DGKH: variants seen among roughly 807,000 people sequenced by gnomAD.
DGKH encodes diacylglycerol kinase eta.
A neutral mutation model predicts 159.3 loss-of-function variants in DGKH; 90 were observed. That is an observed-to-expected ratio of 0.57 (90% CI 0.48 to 0.67). DGKH has a LOEUF of 0.67. DGKH is among the 30% of genes least tolerant of loss of function. DGKH has a pLI of 0.00. For missense variants in DGKH, 1,181 were observed against 1,506.1 expected, an observed-to-expected ratio of 0.78 and a Z score of 3.57; for synonymous variants, 536 against 553.8, an observed-to-expected ratio of 0.97 and a Z score of 0.45.
intron 3 of DGKH, among the ~76,000 whole-genome samples, chr13:42,147,683 C>T (rs1229377792): frequency 1.3e-5 from 2 of 152,162 alleles, no homozygotes; most frequent in Non-Finnish European, 2.9e-5. Context: ...TGCTAATTTA[C>T]AGTGGGAGTG....
chr13:42,173,964 CGT>C (rs1555270275), intron 11 of DGKH, 94 bp from the exon 12 acceptor site: 9,912 of 558,624 alleles, frequency 0.018, no homozygotes, highest in Non-Finnish European at 0.021. Context: ...TGTGTGCGTG[CGT>C]GTGTGTGTGT....
chr13:42,082,935 T>TAATA (rs1369562885), intron 1 of DGKH, among the ~76,000 whole-genome samples: 1 of 152,202 alleles, frequency 6.6e-6, no homozygotes, highest in Non-Finnish European at 1.5e-5. Context: ...AGAATGTGAA[T>TAATA]AATAGTTCTA....
intron 20 of DGKH, among the ~76,000 whole-genome samples, chr13:42,202,989 A>G (rs1957383762): frequency 6.6e-6 from 1 of 152,334 alleles, no homozygotes; most frequent in Non-Finnish European, 1.5e-5. Context: ...TTTAAAAAAC[A>G]GTCTTCATCT....
At chr13:42,160,436 A>G (rs1380157865) in intron 7 of DGKH, among the ~76,000 whole-genome samples, 1 of 152,148 alleles carries the variant, frequency 6.6e-6, no homozygotes, top group African/African-American at 2.4e-5. Context: ...ATTCAGGCCT[A>G]TTTTACTACC....
At chr13:42,134,441 T>C (rs904303105) in intron 3 of DGKH, among the ~76,000 whole-genome samples, 4 of 152,252 alleles carry the variant, frequency 2.6e-5, no homozygotes, top group Non-Finnish European at 4.4e-5. Context: ...GCCTCAGGTA[T>C]TCTATTAGTT....
chr13:42,090,092 A>G (rs1405659424), intron 1 of DGKH, among the ~76,000 whole-genome samples: 1 of 152,182 alleles, frequency 6.6e-6, no homozygotes, highest in African/African-American at 2.4e-5. Context: ...AGCTGACTGG[A>G]AAAAAGGTGA....
At chr13:42,165,650 A>G (rs1956293729) in intron 8 of DGKH, among the ~76,000 whole-genome samples, 1 of 152,170 alleles carries the variant, frequency 6.6e-6, no homozygotes, top group South Asian at 2.1e-4. Flanking sequence ...AAATTACTGT[A>G]TATAAGACTT....
In DGKH at chr13:42,125,912, A is replaced by G. The variant is rs528094897; in HGVS notation, c.193-1551A>G. ...TGGAGATATTGTCAGTGTGCAATCCAGTGGGATGATTAAAAATTTTGGTTC... is the reference window on the plus strand; with the variant it reads ...TGGAGATATTGTCAGTGTGCAATCCGGTGGGATGATTAAAAATTTTGGTTC... On this transcript the variant is annotated intron_variant, in intron 1 of 29. Transcript: ENST00000337343. 8.5e-5 allele frequency among the ~76,000 whole-genome samples: 13 copies of G among 152,292 alleles called. No homozygotes were observed. In the South Asian group the frequency reaches 2.7e-3, roughly 32 times the overall value.
At chr13:42,154,261 G>A (rs1955986271) in intron 3 of DGKH, among the ~76,000 whole-genome samples, 1 of 152,176 alleles carries the variant, frequency 6.6e-6, no homozygotes, top group East Asian at 1.9e-4. Flanking sequence ...AAATAGGTAT[G>A]TGCTTTATTC....
At chr13:42,049,347 C>T (rs1002481659) in intron 1 of DGKH, among the ~76,000 whole-genome samples, 6 of 152,168 alleles carry the variant, frequency 3.9e-5, no homozygotes, top group African/African-American at 7.2e-5. Context: ...AAAGCTGACG[C>T]GCAGTCGCGA....
At chr13:42,138,494 T>C (rs911630227) in intron 3 of DGKH, among the ~76,000 whole-genome samples, 2 of 152,326 alleles carry the variant, frequency 1.3e-5, no homozygotes, top group Admixed American at 1.3e-4. Flanking sequence ...AAATATTTGT[T>C]GAATAAATGA....
intron 16 of DGKH, among the ~76,000 whole-genome samples, chr13:42,193,368 CAG>C (rs1420895879): frequency 6.6e-6 from 1 of 152,068 alleles, no homozygotes; most frequent in African/African-American, 2.4e-5. Context: ...TTGAAATAGA[CAG>C]AGATTTAGAA....
chr13:42,215,243 A>G (rs1438120713), intron 25 of DGKH, among the ~76,000 whole-genome samples: 1 of 151,176 alleles, frequency 6.6e-6, no homozygotes, highest in Non-Finnish European at 1.5e-5. Flanking sequence ...CTAAAAAGCA[A>G]TATGGTTAGT....
intron 29 of DGKH, among the ~76,000 whole-genome samples, chr13:42,251,103 G>C (rs906742313): frequency 6.6e-6 from 1 of 152,066 alleles, no homozygotes; most frequent in Non-Finnish European, 1.5e-5. Flanking sequence ...AATAAAATGG[G>C]TAAAAATAGG....
intron 1 of DGKH, among the ~76,000 whole-genome samples, chr13:42,104,656 G>A (rs1009959933): frequency 9.2e-5 from 14 of 152,210 alleles, no homozygotes; most frequent in Non-Finnish European, 1.6e-4. Flanking sequence ...AGGAAATGGA[G>A]TTTGTAGCTG....
At chr13:42,223,970 C>A (rs1667559) in intron 29 of DGKH, among the ~76,000 whole-genome samples, 1 of 151,842 alleles carries the variant, frequency 6.6e-6, no homozygotes, top group Non-Finnish European at 1.5e-5. Context: ...ATTTAACACC[C>A]ACTTATGAGT....
intron 1 of DGKH, among the ~76,000 whole-genome samples, chr13:42,098,445 C>T (rs139880660): frequency 6.6e-6 from 1 of 151,966 alleles, no homozygotes; most frequent in Non-Finnish European, 1.5e-5. Context: ...CAAGATCATG[C>T]CACTGCACTT....
chr13:42,231,598 T>C lies in DGKH; in HGVS notation c.*2410T>C, dbSNP rs1017293550. ...GTGAGGGAAAGAAGGGGAAGAACTCTAGCATAAATAATGTATTAATATAAA... is the reference window on the plus strand; with the variant it reads ...GTGAGGGAAAGAAGGGGAAGAACTCCAGCATAAATAATGTATTAATATAAA... On this transcript the variant is annotated 3_prime_UTR_variant, in exon 30 of 30. Coordinates refer to ENST00000337343, the MANE Select transcript of DGKH (RefSeq NM_178009.5). 6.6e-6 allele frequency: 1 copy of C among 152,190 alleles called. No individual in the cohort carries two copies. Among genetic ancestry groups the C allele is most frequent in the Non-Finnish European group, 1.5e-5 (1 of 68,038 alleles). 9.4% of individuals were successfully genotyped at this position (152,190 alleles called of 1,614,324 possible).
At chr13:42,243,261 T>C (rs568516740), downstream of DGKH, among the ~76,000 whole-genome samples, 19 of 152,352 alleles carry the variant, frequency 1.2e-4, no homozygotes, top group South Asian at 3.9e-3. Context: ...AATGGAATCA[T>C]ACAGTATGCG....
Sources: gnomAD v4.1 joint callset for allele counts (sites outside exome capture counted in the v4.1 genomes callset) on GRCh38, gnomAD v4.1.1 for gene constraint, MANE v1.5 for transcripts, NCBI Gene and HGNC (gene_info 2026-07-23, HGNC 2026-07-21) for gene names.